POU6F2: variants seen among roughly 807,000 people sequenced by gnomAD.
POU6F2 encodes the protein POU domain, class 6, transcription factor 2.
Under a neutral mutation model 71.3 loss-of-function variants are expected in POU6F2, and 31 were observed. That is an observed-to-expected ratio of 0.43 (90% CI 0.33 to 0.59). POU6F2 has a LOEUF of 0.59. Among genes scored for constraint, POU6F2 ranks in the 20% least tolerant of loss-of-function variants. The pLI is 0.04. For missense variants in POU6F2, 783 were observed against 856.8 expected (o/e 0.91, Z 1.07); for synonymous variants, 347 against 355.7 (o/e 0.98, Z 0.27).
intron 6 of POU6F2, 129 bp downstream of exon 6, chr7:39,406,869 A>C: frequency 1.6e-6 from 2 of 1,276,086 alleles, no homozygotes. Flanking sequence ...GTTTACTAGC[A>C]ATGTCAAGAA....
At chr7:39,232,318 G>GA (rs556225322) in intron 4 of POU6F2, among the ~76,000 whole-genome samples, 4,253 of 148,264 alleles carry the variant, frequency 0.029, 124 homozygotes, top group African/African-American at 0.078. Flanking sequence ...AGGTTTTTAG[G>GA]AAAAAAAAAA....
At chr7:39,399,458 C>T (rs1189172938) in intron 5 of POU6F2, among the ~76,000 whole-genome samples, 1 of 152,220 alleles carries the variant, frequency 6.6e-6, no homozygotes, top group African/African-American at 2.4e-5. Context: ...ATTCCCTCCT[C>T]ATGCACAATA....
intron 8 of POU6F2, among the ~76,000 whole-genome samples, chr7:39,458,514 GCT>G (rs1788859312): frequency 6.6e-6 from 1 of 152,096 alleles, no homozygotes. Flanking sequence ...GCCGAAGTGA[GCT>G]CCCACAATCC....
chr7:38,982,478 TAAA>T (rs1451190777), intron 1 of POU6F2, among the ~76,000 whole-genome samples: 2 of 152,122 alleles, frequency 1.3e-5, no homozygotes, highest in Non-Finnish European at 2.9e-5. Context: ...TTTATTGACC[TAAA>T]AAACTTCACT....
At chr7:39,365,621 T>C (rs1786485504) in intron 5 of POU6F2, among the ~76,000 whole-genome samples, 1 of 152,132 alleles carries the variant, frequency 6.6e-6, no homozygotes. Context: ...AGAAAAATCT[T>C]CACAATCCAT....
At chr7:39,238,149 C>T (rs1258396091) in intron 4 of POU6F2, among the ~76,000 whole-genome samples, 1 of 152,140 alleles carries the variant, frequency 6.6e-6, no homozygotes, top group African/African-American at 2.4e-5. Flanking sequence ...GCACTGGATT[C>T]AAATCACCAG....
chr7:39,179,736 C>CA (rs745781351), intron 2 of POU6F2, among the ~76,000 whole-genome samples: 3 of 152,162 alleles, frequency 2.0e-5, no homozygotes, highest in Non-Finnish European at 4.4e-5. Flanking sequence ...GCAAGAGTGA[C>CA]AAATCAATGT....
At chr7:39,204,560 G>A (rs1793968005) in intron 3 of POU6F2, among the ~76,000 whole-genome samples, 1 of 109,324 alleles carries the variant, frequency 9.1e-6, no homozygotes, top group Admixed American at 1.2e-4. Context: ...TAATCATGTG[G>A]AAACACTTTT....
chr7:39,188,414 A>G (rs1562738948), intron 2 of POU6F2, among the ~76,000 whole-genome samples: 1 of 152,104 alleles, frequency 6.6e-6, no homozygotes, highest in Non-Finnish European at 1.5e-5. Context: ...CTGGGCTCAA[A>G]TAAGTCTTAT....
At chr7:39,296,108 G>A (rs1034054093) in intron 4 of POU6F2, among the ~76,000 whole-genome samples, 2 of 152,196 alleles carry the variant, frequency 1.3e-5, no homozygotes, top group Non-Finnish European at 2.9e-5. Context: ...TAAGCTTATA[G>A]TATTCTAGTT....
intron 6 of POU6F2, among the ~76,000 whole-genome samples, chr7:39,417,531 G>A (rs1369455515): frequency 6.6e-6 from 1 of 152,176 alleles, no homozygotes; most frequent in African/African-American, 2.4e-5. Context: ...ATCCTGAGAA[G>A]ATGTCATCAG....
chr7:39,211,230 A>G (rs1794137444), intron 4 of POU6F2, among the ~76,000 whole-genome samples: 1 of 151,846 alleles, frequency 6.6e-6, no homozygotes, highest in Non-Finnish European at 1.5e-5. Context: ...CACCCAGTCC[A>G]TGGCATCCCC....
At chr7:39,463,505 G>A (rs1443925331) in intron 9 of POU6F2, among the ~76,000 whole-genome samples, 2 of 152,150 alleles carry the variant, frequency 1.3e-5, no homozygotes, top group African/African-American at 4.8e-5. Flanking sequence ...GTTTGAGCCA[G>A]AACAGGAAAG....
intron 7 of POU6F2, among the ~76,000 whole-genome samples, chr7:39,435,077 A>G (rs977871485): frequency 6.6e-6 from 1 of 152,212 alleles, no homozygotes; most frequent in African/African-American, 2.4e-5. Flanking sequence ...TATTATAAAT[A>G]GTGCTGCAAT....
At chr7:39,060,694 C>G (rs1279950808) in intron 1 of POU6F2, among the ~76,000 whole-genome samples, 1 of 152,146 alleles carries the variant, frequency 6.6e-6, no homozygotes, top group African/African-American at 2.4e-5. Context: ...CTTTCTGTTG[C>G]TGGTTCAGAA....
chr7:39,395,421 G>A (rs959912948), intron 5 of POU6F2, among the ~76,000 whole-genome samples: 1 of 152,032 alleles, frequency 6.6e-6, no homozygotes, highest in Admixed American at 6.6e-5. Context: ...CATCCTTTAC[G>A]ACTCAGTTCC....
chr7:39,015,519 TATATCTATGTTTTATA>T, intron 1 of POU6F2, among the ~76,000 whole-genome samples: 1 of 97,488 alleles, frequency 1.0e-5, no homozygotes, highest in Non-Finnish European at 1.8e-5. Flanking sequence ...ATATATATAA[TATATCTATGTTTTATA>T]TAGATATATC....
intron 2 of POU6F2, among the ~76,000 whole-genome samples, chr7:39,195,111 G>A (rs947568710): frequency 1.6e-4 from 25 of 152,092 alleles, no homozygotes; most frequent in African/African-American, 5.6e-4. Context: ...TTTTTTCTTG[G>A]AAAAATTAAA....
intron 4 of POU6F2, among the ~76,000 whole-genome samples, chr7:39,224,509 T>C (rs1287655955): frequency 3.9e-5 from 6 of 152,192 alleles, no homozygotes; most frequent in Non-Finnish European, 8.8e-5. Flanking sequence ...GATGAGGCAG[T>C]TGGAGCAGAA....
Sources: allele counts gnomAD v4.1 joint callset (sites outside exome capture counted in the v4.1 genomes callset), GRCh38; gene constraint gnomAD v4.1.1; transcripts MANE v1.5; gene names NCBI Gene and HGNC (gene_info 2026-07-23, HGNC 2026-07-21).